MLLT3: variants seen among roughly 807,000 people sequenced by gnomAD.
The protein encoded by MLLT3 is MLLT3 super elongation complex subunit.
Under a neutral mutation model 53.2 loss-of-function variants are expected in MLLT3, and 4 were observed. The observed-to-expected ratio is 0.08, with a 90% CI of 0.04 to 0.17. The LOEUF is 0.17. Among genes scored for constraint, MLLT3 ranks in the 10% least tolerant of loss-of-function variants. The pLI is 1.00. For synonymous variants in MLLT3, 283 were observed against 230.6 expected (o/e 1.23, Z -2.06); for missense variants, 569 against 684.0 (o/e 0.83, Z 1.87).
At chr9:20,442,095 C>A (rs1056055315) in intron 4 of MLLT3, among the ~76,000 whole-genome samples, 3 of 152,028 alleles carry the variant, frequency 2.0e-5, no homozygotes, top group Admixed American at 6.6e-5. Flanking sequence ...AAAATGTGGT[C>A]TTTGAAAGGA....
intron 2 of MLLT3, among the ~76,000 whole-genome samples, chr9:20,560,692 T>C (rs1307353793): frequency 6.6e-6 from 1 of 152,126 alleles, no homozygotes; most frequent in East Asian, 1.9e-4. Context: ...GCGGGGAGCA[T>C]TGTGGGCTAA....
chr9:20,355,188 C>T (rs1171575797), intron 8 of MLLT3, among the ~76,000 whole-genome samples: 1 of 151,650 alleles, frequency 6.6e-6, no homozygotes, highest in African/African-American at 2.4e-5. Flanking sequence ...AACACTCTCA[C>T]CATATGTATA....
chr9:20,555,998 C>T (rs2131147000), intron 2 of MLLT3, among the ~76,000 whole-genome samples: 1 of 152,284 alleles, frequency 6.6e-6, no homozygotes, highest in South Asian at 2.1e-4. Flanking sequence ...TGCTATAATA[C>T]TCCCTTTTTC....
At chr9:20,609,987 T>C (rs970359365) in intron 2 of MLLT3, among the ~76,000 whole-genome samples, 3 of 152,064 alleles carry the variant, frequency 2.0e-5, no homozygotes, top group African/African-American at 7.2e-5. Flanking sequence ...TAATAAAGGG[T>C]AGTTATTATT....
At chr9:20,455,928 T>TC (rs545579940) in intron 3 of MLLT3, among the ~76,000 whole-genome samples, 1 of 101,972 alleles carries the variant, frequency 9.8e-6, no homozygotes, top group African/African-American at 6.8e-5. Context: ...TGCTAAAAAC[T>TC]TTTTTTTTTT....
At chr9:20,439,010 T>C (rs1174759478) in intron 4 of MLLT3, among the ~76,000 whole-genome samples, 1 of 152,102 alleles carries the variant, frequency 6.6e-6, no homozygotes, top group Non-Finnish European at 1.5e-5. Context: ...GTGTGAATCA[T>C]ATTTGCAAAG....
chr9:20,382,895 G>T (rs1453522225), intron 5 of MLLT3, among the ~76,000 whole-genome samples: 7 of 141,984 alleles, frequency 4.9e-5, no homozygotes, highest in Non-Finnish European at 1.0e-4. Context: ...TTGTCTTATG[G>T]GTATTTTTAA....
At chr9:20,401,001 T>C (rs1019784868) in intron 5 of MLLT3, among the ~76,000 whole-genome samples, 4 of 152,082 alleles carry the variant, frequency 2.6e-5, no homozygotes, top group African/African-American at 7.2e-5. Context: ...CCAACCTCAA[T>C]TGAGTTAATG....
At chr9:20,445,651 GT>G (rs1195773975) in intron 4 of MLLT3, among the ~76,000 whole-genome samples, 2 of 152,060 alleles carry the variant, frequency 1.3e-5, no homozygotes, top group Admixed American at 6.6e-5. Flanking sequence ...TGTACTTTTA[GT>G]TTAAAAGAAA....
At chr9:20,600,185 G>C (rs564323611) in intron 2 of MLLT3, among the ~76,000 whole-genome samples, 1 of 150,554 alleles carries the variant, frequency 6.6e-6, no homozygotes, top group South Asian at 2.1e-4. Flanking sequence ...TACCTGGGCA[G>C]TACTAAACAC....
chr9:20,455,806 T>A (rs1033802760), intron 3 of MLLT3, among the ~76,000 whole-genome samples: 2 of 152,092 alleles, frequency 1.3e-5, no homozygotes, highest in African/African-American at 4.8e-5. Context: ...CTAACCACCT[T>A]ATGAGGTAAG....
chr9:20,513,399 G>A (rs879011709), intron 2 of MLLT3, among the ~76,000 whole-genome samples: 16 of 152,152 alleles, frequency 1.1e-4, no homozygotes, highest in African/African-American at 2.9e-4. Context: ...AGCAACGTAC[G>A]ACAAATTGGT....
chr9:20,525,073 G>A (rs1298878088), intron 2 of MLLT3, among the ~76,000 whole-genome samples: 2 of 147,506 alleles, frequency 1.4e-5, no homozygotes, highest in Non-Finnish European at 3.0e-5. Flanking sequence ...GAAGTATAAG[G>A]AAGGAGACAG....
rs565996384 is a variant in MLLT3 at position 20,413,992 on chromosome 9, G to A, written c.854C>T (p.Pro285Leu). ...GAGTTCTTCAGAATCTGAAATGGGC[G>A]GCCTTTTACTAGGAGCCTTCTTATC... ...GQDKKAPSKRPPISDSEELSA... is the reference protein window; with the variant it reads ...GQDKKAPSKRLPISDSEELSA... Residue 285 changes from proline to leucine, a missense_variant, in exon 5 of 11, where the codon CCG becomes CTG. Physicochemically the swap from Pro to Leu is moderately conservative, Grantham distance 98. Coordinates refer to ENST00000380338, the MANE Select transcript of MLLT3 (RefSeq NM_004529.4). 5.4e-5 allele frequency: 87 copies of A among 1,614,004 alleles called. No individual in the cohort carries two copies. The highest frequency in any genetic ancestry group is 3.3e-4 in the Middle Eastern group (2 of 6,054).
At chr9:20,595,577 G>A (rs1020551810) in intron 2 of MLLT3, among the ~76,000 whole-genome samples, 4 of 151,916 alleles carry the variant, frequency 2.6e-5, no homozygotes, top group African/African-American at 4.8e-5. Flanking sequence ...AAACATAAGC[G>A]TTATCAAAGA....
At chr9:20,449,467 C>T (rs1413031634) in intron 3 of MLLT3, among the ~76,000 whole-genome samples, 2 of 152,168 alleles carry the variant, frequency 1.3e-5, no homozygotes, top group Admixed American at 6.6e-5. Flanking sequence ...TGATCTTTAG[C>T]CACGCAAGGT....
intron 2 of MLLT3, among the ~76,000 whole-genome samples, chr9:20,616,381 G>A (rs1381808918): frequency 6.6e-6 from 1 of 151,964 alleles, no homozygotes; most frequent in Non-Finnish European, 1.5e-5. Context: ...ATAGCTACAT[G>A]CTAATCCCTA....
chr9:20,356,922 T>C (rs1821185066), intron 8 of MLLT3, among the ~76,000 whole-genome samples: 1 of 152,210 alleles, frequency 6.6e-6, no homozygotes. Flanking sequence ...AGTTACTGAG[T>C]GGCTGCCCAG....
intron 2 of MLLT3, among the ~76,000 whole-genome samples, chr9:20,543,181 G>C (rs958359660): frequency 6.6e-6 from 1 of 152,180 alleles, no homozygotes; most frequent in Non-Finnish European, 1.5e-5. Context: ...CTTAACATTC[G>C]ACTGTTCACT....
Sources: gnomAD v4.1 joint callset for allele counts (sites outside exome capture counted in the v4.1 genomes callset) on GRCh38, gnomAD v4.1.1 for gene constraint, MANE v1.5 for transcripts, NCBI Gene and HGNC (gene_info 2026-07-23, HGNC 2026-07-21) for gene names.